The following UTS2B variants were observed in gnomAD, a reference collection of about 807,000 sequenced individuals.
The protein encoded by UTS2B is urotensin-2B.
Under a neutral mutation model 19.2 loss-of-function variants are expected in UTS2B, and 21 were observed. The ratio of observed to expected loss-of-function variants is 1.09; its 90% CI spans 0.78 to 1.58. The LOEUF (loss-of-function observed/expected upper bound fraction) is 1.58. UTS2B is among the 40% of genes most tolerant of loss of function. UTS2B has a pLI of 0.00. For synonymous variants in UTS2B, 57 were observed against 50.2 expected, an observed-to-expected ratio of 1.14 and a Z score of -0.58; for missense variants, 138 against 130.3, an observed-to-expected ratio of 1.06 and a Z score of -0.29.
intron 3 of UTS2B, among the ~76,000 whole-genome samples, chr3:191,308,024 C>T (rs1261550571): frequency 2.0e-5 from 3 of 151,900 alleles, no homozygotes; most frequent in Admixed American, 6.6e-5. Flanking sequence ...TTAGTAAGGG[C>T]GGGGTTTCAC....
intron 7 of UTS2B, among the ~76,000 whole-genome samples, chr3:191,276,012 G>A (rs1187444687): frequency 6.6e-6 from 1 of 152,142 alleles, no homozygotes; most frequent in African/African-American, 2.4e-5. Flanking sequence ...TAATGAGCAG[G>A]TCTTTTCAAG....
intron 4 of UTS2B, among the ~76,000 whole-genome samples, chr3:191,297,794 C>G (rs1296526168): frequency 6.6e-6 from 1 of 152,130 alleles, no homozygotes; most frequent in African/African-American, 2.4e-5. Flanking sequence ...ATCGATTATC[C>G]TAACTGAAAT....
At chr3:191,271,294 C>T (rs368460420) in intron 8 of UTS2B, among the ~76,000 whole-genome samples, 78 of 150,464 alleles carry the variant, frequency 5.2e-4, no homozygotes, top group African/African-American at 1.9e-3. Context: ...ACCACTCATT[C>T]ATTATGATTG....
At chr3:191,283,235 A>G (rs1479086450) in intron 4 of UTS2B, among the ~76,000 whole-genome samples, 1 of 152,156 alleles carries the variant, frequency 6.6e-6, no homozygotes, top group Non-Finnish European at 1.5e-5. Context: ...ATTTTTCACT[A>G]TATATTTTTG....
At chr3:191,290,501 C>T (rs970195626) in intron 4 of UTS2B, among the ~76,000 whole-genome samples, 9 of 151,826 alleles carry the variant, frequency 5.9e-5, no homozygotes, top group African/African-American at 2.2e-4. Context: ...AGTTTTGGAA[C>T]CAAAAGTGAA....
chr3:191,295,873 C>A (rs1269386751), intron 4 of UTS2B, among the ~76,000 whole-genome samples: 2 of 150,016 alleles, frequency 1.3e-5, no homozygotes, highest in East Asian at 3.8e-4. Context: ...ATCTTACTTG[C>A]TCCCTAGATC....
chr3:191,294,374 C>T (rs1716802386), intron 4 of UTS2B, among the ~76,000 whole-genome samples: 1 of 151,814 alleles, frequency 6.6e-6, no homozygotes, highest in Admixed American at 6.6e-5. Flanking sequence ...TTTAAATTAG[C>T]AGTGCCTTTG....
chr3:191,320,595 G>C (rs946302801), intron 2 of UTS2B, among the ~76,000 whole-genome samples: 3 of 152,262 alleles, frequency 2.0e-5, no homozygotes, highest in Non-Finnish European at 2.9e-5. Flanking sequence ...CTGCGAAGGA[G>C]GCTACGGCCA....
chr3:191,335,196 A>G (rs1418011737), upstream of UTS2B, among the ~76,000 whole-genome samples: 1 of 152,200 alleles, frequency 6.6e-6, no homozygotes, highest in East Asian at 1.9e-4. Context: ...AGTTATGGAG[A>G]CCACTAAACT....
In UTS2B at chr3:191,281,991, C is replaced by A. The variant is rs1716399540; in HGVS notation, c.103+96G>T. 8 of 875,524 alleles carry A rather than the reference C, an allele frequency of 9.1e-6. No individual in the cohort carries two copies. In the South Asian group the frequency reaches 1.2e-4, roughly 14 times the overall value. The allele number at this position is 875,524 out of a possible 1,614,324, so 54.2% of individuals were successfully genotyped here. ...ATTAAATAATATTTATTCCTTAAAA[C>A]ATTATTTCAACAATGGCAGAAAAAT... On this transcript the variant is annotated intron_variant, in intron 5 of 8. Coordinates refer to ENST00000340524, the MANE Select transcript of UTS2B (RefSeq NM_198152.5).
chr3:191,301,869 A>T (rs537108460), intron 4 of UTS2B, among the ~76,000 whole-genome samples: 4 of 152,246 alleles, frequency 2.6e-5, no homozygotes, highest in African/African-American at 9.6e-5. Flanking sequence ...TCAAAATGAG[A>T]TTTCTTCCTC....
At chr3:191,324,149 G>A (rs772577103) in intron 2 of UTS2B, among the ~76,000 whole-genome samples, 1 of 152,154 alleles carries the variant, frequency 6.6e-6, no homozygotes, top group Non-Finnish European at 1.5e-5. Flanking sequence ...ACAAGAAGAA[G>A]AGAGACCTTA....
At chr3:191,312,042 C>T (rs761273526) in intron 3 of UTS2B, among the ~76,000 whole-genome samples, 1 of 151,454 alleles carries the variant, frequency 6.6e-6, no homozygotes, top group Non-Finnish European at 1.5e-5. Flanking sequence ...ATCTCAACTA[C>T]TTGGGAGGCT....
At chr3:191,310,623 G>A (rs1196324440) in intron 3 of UTS2B, among the ~76,000 whole-genome samples, 1 of 151,306 alleles carries the variant, frequency 6.6e-6, no homozygotes, top group Non-Finnish European at 1.5e-5. Flanking sequence ...AGAATCTCAT[G>A]TTTTCTGCTA....
At chr3:191,296,634 T>C (rs909033317) in intron 4 of UTS2B, among the ~76,000 whole-genome samples, 2 of 152,204 alleles carry the variant, frequency 1.3e-5, no homozygotes, top group African/African-American at 4.8e-5. Context: ...AAGAGAACAC[T>C]TGTGGTTCTG....
intron 4 of UTS2B, among the ~76,000 whole-genome samples, chr3:191,303,720 A>AAAAAC (rs1717061640): frequency 6.6e-6 from 1 of 152,206 alleles, no homozygotes; most frequent in Admixed American, 6.5e-5. Flanking sequence ...ACATTGGATG[A>AAAAAC]GTTCTGATGT....
At chr3:191,273,760 C>T (rs1716156321) in intron 8 of UTS2B, among the ~76,000 whole-genome samples, 1 of 152,220 alleles carries the variant, frequency 6.6e-6, no homozygotes, top group Non-Finnish European at 1.5e-5. Context: ...ATCCTTGGCT[C>T]AATAAACAGA....
intron 3 of UTS2B, among the ~76,000 whole-genome samples, chr3:191,315,297 G>A (rs557831775): frequency 6.6e-6 from 1 of 152,320 alleles, no homozygotes; most frequent in African/African-American, 2.4e-5. Flanking sequence ...ACAGGCATGA[G>A]CCACCACGCC....
At chr3:191,270,595 T>G (rs1716066258) in intron 8 of UTS2B, among the ~76,000 whole-genome samples, 1 of 152,222 alleles carries the variant, frequency 6.6e-6, no homozygotes, top group Non-Finnish European at 1.5e-5. Flanking sequence ...CAATTTTTTT[T>G]CTATTCCTTA....
Sources: gnomAD v4.1 joint callset for allele counts (sites outside exome capture counted in the v4.1 genomes callset) on GRCh38, gnomAD v4.1.1 for gene constraint, MANE v1.5 for transcripts, NCBI Gene and HGNC (gene_info 2026-07-23, HGNC 2026-07-21) for gene names.